Variants in COPE observed in about 807,000 individuals in gnomAD.
COPE encodes the protein coat protein complex I subunit epsilon, also known as coatomer subunit epsilon.
A neutral mutation model predicts 42.1 loss-of-function variants in COPE; 19 were observed. That is an observed-to-expected ratio of 0.45 (90% CI 0.31 to 0.66). COPE has a LOEUF of 0.66. Ranked by LOEUF, COPE falls within the 30% of genes least tolerant of loss-of-function variation. COPE has a pLI of 0.05. For missense variants in COPE, 402 were observed against 416.1 expected, an observed-to-expected ratio of 0.97 and a Z score of 0.30; for synonymous variants, 195 against 181.3, an observed-to-expected ratio of 1.08 and a Z score of -0.60.
chr19:18,899,829 C>T (rs2056679076), intron 9 of COPE, 44 bp downstream of exon 9: 1 of 1,610,252 alleles, frequency 6.2e-7, no homozygotes, highest in Non-Finnish European at 8.5e-7. Flanking sequence ...GCTCCAGGCG[C>T]CCCCTGGCCT....
chr19:18,913,728 G>A (rs1021807975), intron 1 of COPE, among the ~76,000 whole-genome samples: 1 of 152,202 alleles, frequency 6.6e-6, no homozygotes, highest in Admixed American at 6.5e-5. Context: ...GCTCGCCCAG[G>A]CCCCTGGGGG....
At chr19:18,910,574 G>A (rs1410170916) in intron 3 of COPE, 1 of 196,704 alleles carries the variant, frequency 5.1e-6, no homozygotes, top group Admixed American at 5.2e-5. Flanking sequence ...GACAGAGTGA[G>A]ACTCCATCTC....
chr19:18,900,634 C>T (rs542086422), intron 7 of COPE, among the ~76,000 whole-genome samples, 185 bp from the exon 8 acceptor site: 25 of 152,288 alleles, frequency 1.6e-4, no homozygotes, highest in East Asian at 9.6e-4. Flanking sequence ...CCAGCCGCCT[C>T]GCTGAGCCTC....
At chr19:18,911,712 C>T (rs550288220) in intron 2 of COPE, among the ~76,000 whole-genome samples, 5 of 151,414 alleles carry the variant, frequency 3.3e-5, no homozygotes, top group East Asian at 2.0e-4. Flanking sequence ...CCACCACGCC[C>T]GGCTAATTTT....
At position 18,899,580 on chromosome 19, in the gene COPE, C is replaced by A; in HGVS notation, c.*99G>T. 1 of 1,302,722 alleles carries A rather than the reference C, an allele frequency of 7.7e-7. No individual in the cohort carries two copies. Among genetic ancestry groups the A allele is most frequent in the Non-Finnish European group, 1.1e-6 (1 of 906,994 alleles). The allele number at this position is 1,302,722 out of a possible 1,614,324, so 80.7% of individuals were successfully genotyped here. ...GGGGGTGCTGGGGGTGGGCTCCTGC[C>A]CCCAGAGGGGATGCAGGTGGATGCC... On this transcript the variant is annotated 3_prime_UTR_variant, in exon 10 of 10. Coordinates refer to ENST00000262812, the MANE Select transcript of COPE (RefSeq NM_007263.4).
At chr19:18,900,279 TAC>T (rs2056685122) in intron 8 of COPE, 100 bp downstream of exon 8, 3 of 964,266 alleles carry the variant, frequency 3.1e-6, no homozygotes, top group Non-Finnish European at 4.6e-6. Flanking sequence ...GCATACTGTA[TAC>T]AGAGTTTTCC....
chr19:18,911,382 A>C, intron 2 of COPE: 1 of 375,034 alleles, frequency 2.7e-6, no homozygotes, highest in Non-Finnish European at 5.1e-6. Flanking sequence ...ACCTGGGGGC[A>C]GGGCAGCAGC....
Position 18,905,499 on chromosome 19 carries a change from C to T in COPE, c.497+77G>A, listed in dbSNP as rs552230442. On this transcript the variant is annotated intron_variant, in intron 5 of 9. Transcript: ENST00000262812. Reference sequence around the variant, plus strand: ...AAGAGTAATGACAGCACCACAGACGCTCTGGGCTGTGACGCTCTGGGCTGT... The same window carrying T: ...AAGAGTAATGACAGCACCACAGACGTTCTGGGCTGTGACGCTCTGGGCTGT... The T allele has an allele frequency of 1.3e-5, 17 of 1,328,356 alleles. No homozygotes were observed. The Admixed American group carries it at 3.7e-4, about 29-fold the overall frequency. 82.3% of individuals were successfully genotyped at this position (1,328,356 alleles called of 1,614,324 possible).
At chr19:18,913,935 C>G (rs553440373) in intron 1 of COPE, among the ~76,000 whole-genome samples, 4 of 152,288 alleles carry the variant, frequency 2.6e-5, no homozygotes, top group African/African-American at 9.6e-5. Context: ...ACCACAGATT[C>G]CAAGCCACAT....
intron 1 of COPE, among the ~76,000 whole-genome samples, chr19:18,915,189 G>T (rs934927364): frequency 3.9e-5 from 6 of 152,104 alleles, no homozygotes; most frequent in African/African-American, 1.4e-4. Flanking sequence ...CTCTGGCCTG[G>T]GTGACAGAGT....
At chr19:18,904,919 G>C in intron 5 of COPE, 67 bp from the exon 6 acceptor site, 1 of 1,484,420 alleles carries the variant, frequency 6.7e-7, no homozygotes, top group Non-Finnish European at 9.2e-7. Context: ...TCCCTGCCTT[G>C]TCCCCACTTG....
chr19:18,905,608 G>A lies in COPE; in HGVS notation c.465C>T (p.Ile155=), dbSNP rs576274469. 6 of 1,593,760 alleles carry A rather than the reference G, an allele frequency of 3.8e-6. No homozygotes were observed. In the Admixed American group the frequency reaches 5.1e-5, roughly 14 times the overall value. ...GGTCCAGGCGGTCCAGCTTCAGCAG[G>A]ATCTGCACTGTCATGGCTGTGCTGC... ...SLECTAMTVQ[I]LLKLDRLDLA... The change falls in exon 5 of 10, where the codon ATC becomes ATT. Residue 155 remains isoleucine (I), a synonymous_variant. Transcript: ENST00000262812.
rs762866734 is a variant in COPE at position 18,919,210 on chromosome 19, TGCGCGGCC to T, written c.126+5_126+12del. ...TCCGCCCCCAGCGTCCCCGCGCCCC[TGCGCGGCC>T]GCACCTTCACCCGCTGCGCCTCGTT... On this transcript the variant is annotated splice_donor_5th_base_variant and intron_variant, in intron 1 of 9. Transcript: ENST00000262812. 1.5e-5 allele frequency: 24 copies of T among 1,604,946 alleles called. No homozygotes were observed. Among genetic ancestry groups the T allele is most frequent in the Non-Finnish European group, 1.7e-6 (2 of 1,174,966 alleles).
chr19:18,909,361 T>C (rs768269444), intron 3 of COPE, among the ~76,000 whole-genome samples: 3 of 152,148 alleles, frequency 2.0e-5, no homozygotes, highest in Non-Finnish European at 2.9e-5. Context: ...GAAGTCAAGG[T>C]GGCGGCAGGG....
At chr19:18,914,959 C>A (rs1412615203) in intron 1 of COPE, among the ~76,000 whole-genome samples, 5 of 151,964 alleles carry the variant, frequency 3.3e-5, no homozygotes, top group Non-Finnish European at 5.9e-5. Context: ...AACTCCTGAC[C>A]TTGTGAACCA....
intron 2 of COPE, among the ~76,000 whole-genome samples, chr19:18,912,395 C>T (rs1018401174): frequency 6.6e-6 from 1 of 151,860 alleles, no homozygotes; most frequent in African/African-American, 2.4e-5. Flanking sequence ...AAGTGATCCT[C>T]CCACCTCAGC....
rs369852262 is a variant in COPE, at chr19:18,919,213, G to A, written c.126+10C>T. 148 of 1,605,510 alleles carry A rather than the reference G, an allele frequency of 9.2e-5. No homozygotes were observed. In the Admixed American group the frequency reaches 9.3e-4, roughly 10 times the overall value. Reference sequence around the variant, plus strand: ...GCCCCCAGCGTCCCCGCGCCCCTGCGCGGCCGCACCTTCACCCGCTGCGCC... The same window carrying A: ...GCCCCCAGCGTCCCCGCGCCCCTGCACGGCCGCACCTTCACCCGCTGCGCC... On this transcript the variant is annotated intron_variant, in intron 1 of 9. Coordinates refer to ENST00000262812, the MANE Select transcript of COPE (RefSeq NM_007263.4).
chr19:18,907,126 A>T lies in COPE; in HGVS notation c.291-14T>A. On this transcript the variant is annotated splice_polypyrimidine_tract_variant and intron_variant, in intron 3 of 9. Transcript: ENST00000262812. ...ACGATGCTGTCCCTGCAAGACAGAGATGCTCACGACCCACAGCTGGGGTGG... is the reference window on the plus strand; with the variant it reads ...ACGATGCTGTCCCTGCAAGACAGAGTTGCTCACGACCCACAGCTGGGGTGG... 1 of 1,609,248 alleles carries T rather than the reference A, an allele frequency of 6.2e-7. No individual in the cohort carries two copies. The highest frequency in any genetic ancestry group is 1.3e-5 in the African/African-American group (1 of 74,964).
At chr19:18,905,526 A>C (rs1411481842) in intron 5 of COPE, 50 bp downstream of exon 5, 1 of 1,492,172 alleles carries the variant, frequency 6.7e-7, no homozygotes, top group Admixed American at 2.0e-5. Flanking sequence ...CTGGGCTGTG[A>C]CGCTCTGGGC....
Sources: gnomAD v4.1 joint callset for allele counts (sites outside exome capture counted in the v4.1 genomes callset) on GRCh38, gnomAD v4.1.1 for gene constraint, MANE v1.5 for transcripts, NCBI Gene and HGNC (gene_info 2026-07-23, HGNC 2026-07-21) for gene names.